The following TENM4 variants were observed in gnomAD, a reference collection of about 807,000 sequenced individuals.
TENM4 encodes the protein teneurin transmembrane protein 4.
In TENM4, 82 loss-of-function variants were observed where a neutral mutation model predicts 243.3. The ratio of observed to expected loss-of-function variants is 0.34; its 90% CI spans 0.28 to 0.40. The LOEUF (loss-of-function observed/expected upper bound fraction) is 0.40. Among genes scored for constraint, TENM4 ranks in the 10% least tolerant of loss-of-function variants. TENM4 has a pLI of 1.00. For missense variants in TENM4, 3,138 were observed against 3,673.3 expected (o/e 0.85, Z 3.77); for synonymous variants, 1,412 against 1,456.3 (o/e 0.97, Z 0.69).
At chr11:78,808,784 G>C (rs1857439546) in intron 14 of TENM4, among the ~76,000 whole-genome samples, 1 of 152,180 alleles carries the variant, frequency 6.6e-6, no homozygotes, top group Non-Finnish European at 1.5e-5. Context: ...TTCAAAAATG[G>C]TTAGAGCATG....
At chr11:79,150,422 T>G (rs763090924) in intron 3 of TENM4, among the ~76,000 whole-genome samples, 6 of 152,018 alleles carry the variant, frequency 3.9e-5, no homozygotes, top group Non-Finnish European at 8.8e-5. Flanking sequence ...GAGTTCAAAT[T>G]TCTTCATCTA....
chr11:79,225,749 C>T (rs1461757733), intron 2 of TENM4, among the ~76,000 whole-genome samples: 4 of 152,140 alleles, frequency 2.6e-5, no homozygotes, highest in African/African-American at 7.2e-5. Flanking sequence ...TCCCAAAGTG[C>T]TAGGATTACA....
At chr11:78,903,576 C>T in intron 6 of TENM4, 53 bp from the exon 7 acceptor site, 1 of 1,537,912 alleles carries the variant, frequency 6.5e-7, no homozygotes, top group Non-Finnish European at 8.7e-7. Context: ...TGCCCCTCGG[C>T]TGGAAAAGCA....
chr11:78,672,490 T>C lies in TENM4; in HGVS notation c.5497-161A>G, dbSNP rs1858357464. Reference sequence around the variant, plus strand: ...ATGGGTTTGAATCCTGGCTCTGTCATTTGTCAGCTCTGTGAAGTTTCCTCA... The same window carrying C: ...ATGGGTTTGAATCCTGGCTCTGTCACTTGTCAGCTCTGTGAAGTTTCCTCA... On this transcript the variant is annotated intron_variant, in intron 30 of 33. Coordinates refer to ENST00000278550, the MANE Select transcript of TENM4 (RefSeq NM_001098816.3). Among the ~76,000 whole-genome samples, 6 of 152,310 alleles carry C rather than the reference T, an allele frequency of 3.9e-5. No homozygotes were observed. The South Asian group carries it at 1.2e-3, about 32-fold the overall frequency.
In TENM4 at chr11:78,658,319, C is replaced by T. The variant is rs1169649497; in HGVS notation, c.8049G>A (p.Leu2683=). The change falls in exon 34 of 34, where the codon TTG becomes TTA. Residue 2683 remains leucine (L), a synonymous_variant. Transcript: ENST00000278550. ...LCLNTRYGTT[L]DEEKARVLEL... is the part of the protein sequence containing the mutation. ...CCAGGACCCGTGCCTTCTCCTCATC[C>T]AACGTTGTCCCGTAGCGTGTGTTCA... 1.2e-6 allele frequency: 2 copies of T among 1,613,320 alleles called. No individual in the cohort carries two copies. Among genetic ancestry groups the T allele is most frequent in the East Asian group, 2.2e-5 (1 of 44,862 alleles).
intron 9 of TENM4, among the ~76,000 whole-genome samples, chr11:78,872,062 C>T (rs1859145628): frequency 6.6e-6 from 1 of 152,114 alleles, no homozygotes. Context: ...GTACATATTA[C>T]TACTTTAATT....
intron 2 of TENM4, among the ~76,000 whole-genome samples, chr11:79,292,586 T>C (rs489313): frequency 0.8 from 121,714 of 152,220 alleles, 48,969 homozygotes; most frequent in Middle Eastern, 0.91. Flanking sequence ...ATTTGAATGG[T>C]AGCTTCCCAG....
At chr11:79,117,585 A>G (rs993603983) in intron 4 of TENM4, among the ~76,000 whole-genome samples, 2 of 152,202 alleles carry the variant, frequency 1.3e-5, no homozygotes, top group African/African-American at 4.8e-5. Context: ...AATACTCTTC[A>G]ACAAACTTCT....
chr11:78,781,570 C>G (rs1173419149), intron 16 of TENM4, among the ~76,000 whole-genome samples: 3 of 152,098 alleles, frequency 2.0e-5, no homozygotes, highest in Non-Finnish European at 4.4e-5. Flanking sequence ...CAGAGGTTTC[C>G]AAAAGTTTCT....
At chr11:79,070,089 G>T in intron 4 of TENM4, 80 bp from the exon 5 acceptor site, 10 of 1,434,734 alleles carry the variant, frequency 7.0e-6, no homozygotes, top group Non-Finnish European at 9.1e-6. Flanking sequence ...ATTCACCCTT[G>T]CAGCCCTGTG....
chr11:78,971,271 G>T (rs958791731), intron 6 of TENM4, among the ~76,000 whole-genome samples: 4 of 152,116 alleles, frequency 2.6e-5, no homozygotes, highest in Admixed American at 2.6e-4. Flanking sequence ...GGTATTCATA[G>T]ATGTTGATTT....
At chr11:79,227,156 C>A (rs1227519182) in intron 2 of TENM4, among the ~76,000 whole-genome samples, 1 of 152,180 alleles carries the variant, frequency 6.6e-6, no homozygotes, top group Non-Finnish European at 1.5e-5. Flanking sequence ...GGCCACATAA[C>A]CCCCGTGGCT....
intron 4 of TENM4, among the ~76,000 whole-genome samples, chr11:79,117,024 AC>A (rs1861636553): frequency 6.6e-6 from 1 of 152,152 alleles, no homozygotes; most frequent in Admixed American, 6.6e-5. Context: ...AGCTACTATC[AC>A]CATCATCATC....
intron 4 of TENM4, among the ~76,000 whole-genome samples, chr11:79,117,700 T>C (rs1298221182): frequency 6.6e-6 from 1 of 152,210 alleles, no homozygotes; most frequent in African/African-American, 2.4e-5. Flanking sequence ...CAAACCTGCT[T>C]GACAGGGTGT....
intron 25 of TENM4, among the ~76,000 whole-genome samples, chr11:78,717,380 T>C (rs1403250419): frequency 6.6e-6 from 1 of 152,212 alleles, no homozygotes; most frequent in African/African-American, 2.4e-5. Context: ...ATGACAGCAG[T>C]TGGCAGCCCT....
intron 6 of TENM4, among the ~76,000 whole-genome samples, chr11:79,039,902 G>GTAC (rs1176378256): frequency 6.6e-5 from 10 of 152,122 alleles, no homozygotes; most frequent in Admixed American, 2.0e-4. Flanking sequence ...TGTCAGACAT[G>GTAC]TACTCAGTGC....
chr11:78,864,768 C>T (rs1858923609), intron 9 of TENM4, among the ~76,000 whole-genome samples: 1 of 152,214 alleles, frequency 6.6e-6, no homozygotes, highest in South Asian at 2.1e-4. Context: ...GTAACATTCA[C>T]TCCTTTGCTT....
intron 2 of TENM4, among the ~76,000 whole-genome samples, chr11:79,275,100 T>C (rs1856030763): frequency 6.6e-6 from 1 of 152,186 alleles, no homozygotes; most frequent in South Asian, 2.1e-4. Context: ...TCTGACAGAC[T>C]GAATAATCTC....
At position 79,034,420 on chromosome 11, in the gene TENM4, T is replaced by C. The variant is rs557620059; in HGVS notation, c.493+30318A>G. Among the ~76,000 whole-genome samples, 7 of 152,254 alleles carry C rather than the reference T, an allele frequency of 4.6e-5. 1 individual carries two copies. In the East Asian group the frequency reaches 1.4e-3, roughly 29 times the overall value. On this transcript the variant is annotated intron_variant, in intron 6 of 33. Transcript: ENST00000278550. ...ATTCTGCTGCCTTATGAAGGCGCAATCCTTATTAACCTCCAGCACTCAGAG... is the reference window on the plus strand; with the variant it reads ...ATTCTGCTGCCTTATGAAGGCGCAACCCTTATTAACCTCCAGCACTCAGAG...
Sources: allele counts gnomAD v4.1 joint callset (sites outside exome capture counted in the v4.1 genomes callset), GRCh38; gene constraint gnomAD v4.1.1; transcripts MANE v1.5; gene names NCBI Gene and HGNC (gene_info 2026-07-23, HGNC 2026-07-21).